The following MAP3K13 variants were observed in gnomAD, a reference collection of about 807,000 sequenced individuals.
MAP3K13 encodes mitogen-activated protein kinase kinase kinase 13.
In MAP3K13, 52 loss-of-function variants were observed where a neutral mutation model predicts 104.0. That is an observed-to-expected ratio of 0.50 (90% CI 0.40 to 0.63). The LOEUF (loss-of-function observed/expected upper bound fraction) is 0.63, where lower values mean the gene tolerates loss of function less well. MAP3K13 is among the 20% of genes least tolerant of loss of function. The pLI is 0.00. For missense variants in MAP3K13, 914 were observed against 1,218.5 expected, an observed-to-expected ratio of 0.75 and a Z score of 3.72; for synonymous variants, 394 against 442.2, an observed-to-expected ratio of 0.89 and a Z score of 1.37.
At chr3:185,375,430 A>G (rs62290183) in intron 1 of MAP3K13, among the ~76,000 whole-genome samples, 11,834 of 152,244 alleles carry the variant, frequency 0.078, 593 homozygotes, top group Admixed American at 0.14. Context: ...TCCCACAATG[A>G]AAAGGAAATG....
intron 10 of MAP3K13, among the ~76,000 whole-genome samples, chr3:185,470,962 T>A (rs980410992): frequency 3.3e-5 from 5 of 152,200 alleles, no homozygotes; most frequent in African/African-American, 1.2e-4. Flanking sequence ...TCTTTTTACA[T>A]TATTAACTGA....
chr3:185,397,751 G>A (rs1712512388), intron 1 of MAP3K13, among the ~76,000 whole-genome samples: 1 of 152,076 alleles, frequency 6.6e-6, no homozygotes, highest in South Asian at 2.1e-4. Context: ...ATTGTTAGAA[G>A]AGACACAAAA....
chr3:185,449,779 T>C (rs1715785468), intron 5 of MAP3K13, 121 bp from the exon 6 acceptor site: 1 of 778,756 alleles, frequency 1.3e-6, no homozygotes. Context: ...GTTTTTCTTA[T>C]AGCAGTATTA....
chr3:185,456,596 CTTT>C (rs35547697), intron 7 of MAP3K13, among the ~76,000 whole-genome samples: 4 of 108,000 alleles, frequency 3.7e-5, no homozygotes, highest in East Asian at 5.5e-4. Context: ...TTTGCTTCTC[CTTT>C]TTTTTTTTTT....
In MAP3K13 at chr3:185,484,618, T is replaced by C. The variant is rs1718636567; in HGVS notation, c.*2162T>C. On this transcript the variant is annotated 3_prime_UTR_variant, in exon 14 of 14. Transcript: ENST00000265026. ...TTTGTTTACACTTTATGTTGATACA[T>C]TGATTTAAAATGTAGTGTCTGTGAT... 6.6e-6 allele frequency: 1 copy of C among 152,252 alleles called. No individual in the cohort carries two copies. Among genetic ancestry groups the C allele is most frequent in the Non-Finnish European group, 1.5e-5 (1 of 68,036 alleles). The allele number at this position is 152,252 out of a possible 1,614,324, so 9.4% of individuals were successfully genotyped here. A position where few individuals can be genotyped will look rare whatever the true frequency, so the allele number is the denominator to read the frequency against.
chr3:185,304,169 T>C (rs1350453387), intron 2 of MAP3K13, among the ~76,000 whole-genome samples: 1 of 152,266 alleles, frequency 6.6e-6, no homozygotes. Context: ...TTCCTTGTGA[T>C]TGGAAAAGAT....
At chr3:185,321,077 C>T (rs547122211) in intron 2 of MAP3K13, among the ~76,000 whole-genome samples, 40 of 151,104 alleles carry the variant, frequency 2.6e-4, no homozygotes, top group African/African-American at 4.9e-4. Flanking sequence ...CACACATATG[C>T]GTGCACACAT....
chr3:185,471,541 C>A (rs1292569592), intron 10 of MAP3K13, among the ~76,000 whole-genome samples: 1 of 140,708 alleles, frequency 7.1e-6, no homozygotes, highest in Middle Eastern at 3.9e-3. Context: ...CTCACTGCAA[C>A]TTCTGCCTCC....
At chr3:185,390,900 C>T (rs575675029) in intron 1 of MAP3K13, among the ~76,000 whole-genome samples, 7 of 152,176 alleles carry the variant, frequency 4.6e-5, no homozygotes, top group African/African-American at 7.2e-5. Flanking sequence ...GGATTACAGG[C>T]GTGAGCCACT....
chr3:185,455,210 TGAGATATATATATGATATATATGA>T, intron 7 of MAP3K13, among the ~76,000 whole-genome samples: 1 of 86,742 alleles, frequency 1.2e-5, no homozygotes, highest in Non-Finnish European at 2.3e-5. Flanking sequence ...ATGATATATA[TGAGATATATATATGATATATATGA>T]GATATATATA....
rs1714238659 is a variant in MAP3K13 at position 185,423,291 on chromosome 3, A to T, written c.-85-5206A>T. On this transcript the variant is annotated intron_variant, in intron 1 of 13. Transcript: ENST00000265026. This position sits in a 1 kb window ranked among gnomAD's most constrained non-coding sequence, Gnocchi z 4.1. ...ACAAAACTGGTCCCTGGTGCCAAAG[A>T]GGTTGGGGACTGCTGCTGTATAGGA... 6.6e-6 allele frequency among the ~76,000 whole-genome samples: 1 copy of T among 152,138 alleles called. No homozygotes were observed. The highest frequency in any genetic ancestry group is 2.1e-4 in the South Asian group (1 of 4,830).
chr3:185,311,809 T>C (rs1376828417), intron 2 of MAP3K13, among the ~76,000 whole-genome samples: 1 of 152,218 alleles, frequency 6.6e-6, no homozygotes, highest in African/African-American at 2.4e-5. Context: ...TACAAAAATG[T>C]TCATTGCATT....
At chr3:185,470,981 T>C (rs1241539841) in intron 10 of MAP3K13, among the ~76,000 whole-genome samples, 3 of 151,996 alleles carry the variant, frequency 2.0e-5, no homozygotes, top group Admixed American at 6.6e-5. Flanking sequence ...GAAGAAAAAA[T>C]GGATGCCCTT....
chr3:185,447,846 A>T lies in MAP3K13; in HGVS notation c.909A>T (p.Glu303Asp). 6.2e-7 allele frequency: 1 copy of T among 1,613,898 alleles called. No individual in the cohort carries two copies. Among genetic ancestry groups the T allele is most frequent in the Non-Finnish European group, 8.5e-7 (1 of 1,179,840 alleles). ...TTTCAGATTTTGGTACATCTAAGGA[A>T]CTCAGTGACAAAAGTACCAAGATGT... ...VKISDFGTSK[E>D]LSDKSTKMSF... The change falls in exon 5 of 14, where the codon GAA (glutamate) becomes GAT (aspartate). Residue 303 changes from glutamate to aspartate, a missense_variant. Transcript: ENST00000265026.
chr3:185,366,096 C>A (rs903359447), intron 1 of MAP3K13, among the ~76,000 whole-genome samples: 1 of 151,340 alleles, frequency 6.6e-6, no homozygotes, highest in Non-Finnish European at 1.5e-5. Context: ...AGCAGTCACT[C>A]CTCATTTCTC....
Position 185,482,511 on chromosome 3 carries a change from C to A in MAP3K13, c.*55C>A. The A allele has an allele frequency of 7.5e-7, 1 of 1,340,318 alleles. No individual in the cohort carries two copies. Among genetic ancestry groups the A allele is most frequent in the African/African-American group, 1.4e-5 (1 of 69,636 alleles). The allele number at this position is 1,340,318 out of a possible 1,614,324, so 83.0% of individuals were successfully genotyped here. On this transcript the variant is annotated 3_prime_UTR_variant, in exon 14 of 14. Transcript: ENST00000265026. The surrounding 1 kb of genome is among the most constrained non-coding windows in gnomAD (Gnocchi z 4.5). Reference sequence around the variant, plus strand: ...GACTATACTGGCATTTCAGATCCACCCCACCCCCAGACTCATCCCACTCTC... The same window carrying A: ...GACTATACTGGCATTTCAGATCCACACCACCCCCAGACTCATCCCACTCTC...
chr3:185,371,720 G>A (rs1724171829), intron 1 of MAP3K13, among the ~76,000 whole-genome samples: 1 of 152,180 alleles, frequency 6.6e-6, no homozygotes, highest in Non-Finnish European at 1.5e-5. Flanking sequence ...GATGAGGCAG[G>A]TGGCAGCCAG....
rs1427002253 is a variant in MAP3K13 at position 185,417,715 on chromosome 3, G to C, written c.-85-10782G>C. The C allele has an allele frequency of 8.7e-6, 14 of 1,612,160 alleles. No homozygotes were observed. In the African/African-American group the frequency reaches 1.7e-4, roughly 20 times the overall value. On this transcript the variant is annotated intron_variant, in intron 1 of 13. Transcript: ENST00000265026. The stretch of plus-strand genomic sequence containing the variant: ...GGCTGGTAGTGCTGCTGCTGCAGCA[G>C]CTGCCTTATCCACCCGGAGCTTGTG...
intron 2 of MAP3K13, among the ~76,000 whole-genome samples, chr3:185,337,834 G>C (rs770197093): frequency 4.0e-5 from 6 of 151,544 alleles, no homozygotes; most frequent in Admixed American, 6.6e-5. Context: ...GGTGGGGAGG[G>C]GACACAATAG....
Sources: allele counts gnomAD v4.1 joint callset (sites outside exome capture counted in the v4.1 genomes callset), GRCh38; gene constraint gnomAD v4.1.1; non-coding constraint Gnocchi (gnomAD v3.1); transcripts MANE v1.5; gene names NCBI Gene and HGNC (gene_info 2026-07-23, HGNC 2026-07-21).